The following HNF4G variants were observed in gnomAD, a reference collection of about 807,000 sequenced individuals.
HNF4G encodes the protein hepatocyte nuclear factor 4 gamma, also known as hepatocyte nuclear factor 4-gamma.
Under a neutral mutation model 50.9 loss-of-function variants are expected in HNF4G, and 21 were observed. The observed-to-expected ratio is 0.41, with a 90% CI of 0.29 to 0.59. The LOEUF (loss-of-function observed/expected upper bound fraction) is 0.59. HNF4G is among the 20% of genes least tolerant of loss of function. The pLI, the probability that HNF4G is intolerant of heterozygous loss-of-function variation, is 0.26. For synonymous variants in HNF4G, 198 were observed against 185.6 expected (o/e 1.07, Z -0.54); for missense variants, 527 against 559.4 (o/e 0.94, Z 0.58).
chr8:75,418,804 C>T (rs992900076), intron 1 of HNF4G, among the ~76,000 whole-genome samples: 12 of 150,170 alleles, frequency 8.0e-5, no homozygotes, highest in African/African-American at 1.5e-4. Context: ...CTCAGCTCAC[C>T]GCAACCTCCG....
intron 1 of HNF4G, among the ~76,000 whole-genome samples, chr8:75,480,708 T>C (rs1410313801): frequency 9.8e-6 from 1 of 101,836 alleles, no homozygotes; most frequent in Non-Finnish European, 2.0e-5. Flanking sequence ...CTCATTTCTT[T>C]TTCTTTTTCT....
At chr8:75,547,989 A>C (rs1245099912) in intron 3 of HNF4G, among the ~76,000 whole-genome samples, 1 of 140,214 alleles carries the variant, frequency 7.1e-6, no homozygotes, top group Non-Finnish European at 1.6e-5. Context: ...GAAATTACAG[A>C]TTTTTTTTTT....
chr8:75,416,153 T>C (rs1351892455), intron 1 of HNF4G, among the ~76,000 whole-genome samples: 1 of 152,190 alleles, frequency 6.6e-6, no homozygotes, highest in Non-Finnish European at 1.5e-5. Flanking sequence ...TTATTTTTAA[T>C]TTTGTTGTTT....
chr8:75,488,393 C>G (rs772110354), intron 1 of HNF4G, among the ~76,000 whole-genome samples: 5 of 152,080 alleles, frequency 3.3e-5, no homozygotes, highest in Admixed American at 6.5e-5. Flanking sequence ...TCTGCCTCAG[C>G]CTCCTGAGTT....
At chr8:75,488,118 C>G (rs189415372) in intron 1 of HNF4G, among the ~76,000 whole-genome samples, 141 of 152,270 alleles carry the variant, frequency 9.3e-4, no homozygotes, top group African/African-American at 2.8e-3. Context: ...GGGACACAGA[C>G]AAACCATATC....
At position 75,566,577 on chromosome 8, in the gene HNF4G, C is replaced by T. The variant is rs1807467687; in HGVS notation, c.*2481C>T. On this transcript the variant is annotated 3_prime_UTR_variant, in exon 10 of 10. Coordinates refer to ENST00000396423, the MANE Select transcript of HNF4G (RefSeq NM_004133.5). ...GGAAAAAAGGAACTGATGTTTTCAG[C>T]ATATTTTCAAAATATTGATAAGGGA... 6.6e-6 allele frequency: 1 copy of T among 152,328 alleles called. No individual in the cohort carries two copies. The highest frequency in any genetic ancestry group is 1.5e-5 in the Non-Finnish European group (1 of 67,994). 9.4% of individuals were successfully genotyped at this position (152,328 alleles called of 1,614,324 possible).
chr8:75,489,650 C>G (rs1812576474), intron 1 of HNF4G, among the ~76,000 whole-genome samples: 1 of 152,286 alleles, frequency 6.6e-6, no homozygotes, highest in South Asian at 2.1e-4. Flanking sequence ...TTATAAGACA[C>G]TTCAAAAAAT....
chr8:75,489,316 A>T (rs1014336051), intron 1 of HNF4G, among the ~76,000 whole-genome samples: 4 of 152,228 alleles, frequency 2.6e-5, no homozygotes, highest in African/African-American at 9.6e-5. Flanking sequence ...ATTCCTACAC[A>T]TGTCAATATC....
chr8:75,503,529 G>A (rs1261395218), intron 2 of HNF4G, among the ~76,000 whole-genome samples: 3 of 152,162 alleles, frequency 2.0e-5, no homozygotes, highest in Non-Finnish European at 4.4e-5. Context: ...TATCCATAGT[G>A]CTGTGATAAG....
At chr8:75,485,308 C>A (rs561407908) in intron 1 of HNF4G, among the ~76,000 whole-genome samples, 1 of 152,100 alleles carries the variant, frequency 6.6e-6, no homozygotes, top group Non-Finnish European at 1.5e-5. Context: ...AATATTTTGA[C>A]ATCAAATTCC....
chr8:75,525,975 T>C (rs1806167494), intron 2 of HNF4G, among the ~76,000 whole-genome samples: 2 of 152,068 alleles, frequency 1.3e-5, no homozygotes, highest in Non-Finnish European at 1.5e-5. Flanking sequence ...TAAATAAAAA[T>C]ATTTACTGCA....
intron 1 of HNF4G, among the ~76,000 whole-genome samples, chr8:75,473,775 G>A (rs571486630): frequency 9.9e-5 from 15 of 152,188 alleles, no homozygotes; most frequent in African/African-American, 3.6e-4. Context: ...AAAAGAGGCA[G>A]CACAGGGTAG....
At chr8:75,504,656 T>C (rs951089261) in intron 2 of HNF4G, among the ~76,000 whole-genome samples, 2 of 152,184 alleles carry the variant, frequency 1.3e-5, no homozygotes, top group Non-Finnish European at 2.9e-5. Context: ...GTAATTATTA[T>C]CAAATTTGGA....
At chr8:75,556,441 C>A (rs919955583) in intron 6 of HNF4G, among the ~76,000 whole-genome samples, 1 of 152,066 alleles carries the variant, frequency 6.6e-6, no homozygotes, top group African/African-American at 2.4e-5. Context: ...ATTTTACACA[C>A]TTTAAAAAAA....
intron 1 of HNF4G, among the ~76,000 whole-genome samples, chr8:75,468,490 T>C (rs1472207575): frequency 6.6e-6 from 1 of 152,080 alleles, no homozygotes; most frequent in African/African-American, 2.4e-5. Flanking sequence ...GGTCAGGAGT[T>C]CGAGACCAGC....
chr8:75,561,310 G>A (rs528672011), intron 9 of HNF4G, among the ~76,000 whole-genome samples: 16 of 152,320 alleles, frequency 1.1e-4, no homozygotes, highest in African/African-American at 2.9e-4. Context: ...AACAACAGCA[G>A]CGGCAACATT....
At chr8:75,447,614 T>G (rs1229557489) in intron 1 of HNF4G, among the ~76,000 whole-genome samples, 1 of 151,976 alleles carries the variant, frequency 6.6e-6, no homozygotes, top group Middle Eastern at 3.4e-3. Context: ...CATCAAAAAG[T>G]GGGTGAAGGA....
chr8:75,514,354 C>CTTTTTTTTTTCTTTT (rs1805837081), intron 2 of HNF4G, among the ~76,000 whole-genome samples: 2 of 125,032 alleles, frequency 1.6e-5, no homozygotes, highest in African/African-American at 6.1e-5. Flanking sequence ...TTTCTTCTTT[C>CTTTTTTTTTTCTTTT]TTTTTTTTTT....
chr8:75,442,245 T>G (rs559996514), intron 1 of HNF4G, among the ~76,000 whole-genome samples: 1 of 152,312 alleles, frequency 6.6e-6, no homozygotes, highest in African/African-American at 2.4e-5. Flanking sequence ...ACATCGAAAT[T>G]ACTGTTCATT....
Sources: gnomAD v4.1 joint callset for allele counts (sites outside exome capture counted in the v4.1 genomes callset) on GRCh38, gnomAD v4.1.1 for gene constraint, MANE v1.5 for transcripts, NCBI Gene and HGNC (gene_info 2026-07-23, HGNC 2026-07-21) for gene names.